Variants in GALNT2 observed in about 807,000 individuals in gnomAD.
The protein encoded by GALNT2 is UDP-GalNAc:polypeptide N-acetylgalactosaminyltransferase 2.
GALNT2 carries 31 observed loss-of-function variants against 81.4 expected under a neutral mutation model. The ratio of observed to expected loss-of-function variants is 0.38; its 90% CI spans 0.29 to 0.51. The LOEUF (loss-of-function observed/expected upper bound fraction) is 0.51. GALNT2 is among the 20% of genes least tolerant of loss of function. GALNT2 has a pLI of 0.87. For synonymous variants in GALNT2, 303 were observed against 287.4 expected, an observed-to-expected ratio of 1.05 and a Z score of -0.55; for missense variants, 629 against 765.7, an observed-to-expected ratio of 0.82 and a Z score of 2.11.
intron 15 of GALNT2, among the ~76,000 whole-genome samples, chr1:230,274,829 C>G (rs1666242773): frequency 6.6e-6 from 1 of 152,032 alleles, no homozygotes; most frequent in African/African-American, 2.4e-5. Context: ...GTTTATTCAT[C>G]AAATACTTTT....
intron 2 of GALNT2, among the ~76,000 whole-genome samples, chr1:230,189,815 T>A (rs574113750): frequency 6.6e-6 from 1 of 152,328 alleles, no homozygotes; most frequent in South Asian, 2.1e-4. Context: ...GTCCCATTCC[T>A]CCCTCTCCCA....
In GALNT2 at chr1:230,275,084, C is replaced by CAT. The variant is rs1172446555; in HGVS notation, c.1560+528_1560+529dup. ...TATATACGTATATATATACACACCA[C>CAT]ATATATATACATGTATACACACCAC... On this transcript the variant is annotated intron_variant, in intron 15 of 15. Coordinates refer to ENST00000366672, the MANE Select transcript of GALNT2 (RefSeq NM_004481.5). The surrounding 1 kb of genome is among the most constrained non-coding windows in gnomAD (Gnocchi z 5.5). 1.3e-5 allele frequency among the ~76,000 whole-genome samples: 2 copies of CAT among 150,396 alleles called. No homozygotes were observed. Among genetic ancestry groups the CAT allele is most frequent in the African/African-American group, 2.5e-5 (1 of 40,568 alleles).
At chr1:230,083,337 AG>A (rs1659803297) in intron 1 of GALNT2, among the ~76,000 whole-genome samples, 3 of 143,900 alleles carry the variant, frequency 2.1e-5, no homozygotes, top group Admixed American at 2.1e-4. Flanking sequence ...ATGATGGAGC[AG>A]GGGAGCCGGG....
chr1:230,206,495 A>C (rs1302656438), intron 3 of GALNT2, among the ~76,000 whole-genome samples: 1 of 152,182 alleles, frequency 6.6e-6, no homozygotes, highest in African/African-American at 2.4e-5. Flanking sequence ...CCTAGAGCTG[A>C]GCCGATTTAA....
At chr1:230,239,363 A>C (rs1415582167) in intron 6 of GALNT2, among the ~76,000 whole-genome samples, 1 of 152,228 alleles carries the variant, frequency 6.6e-6, no homozygotes, top group African/African-American at 2.4e-5. Context: ...GCCCCACAAT[A>C]GGCCATCTGC....
At chr1:230,272,188 G>C (rs555041278) in intron 14 of GALNT2, among the ~76,000 whole-genome samples, 81 of 152,278 alleles carry the variant, frequency 5.3e-4, no homozygotes, top group African/African-American at 1.9e-3. Context: ...TAGAGTATGG[G>C]TGACGTGAGT....
At chr1:230,252,346 A>C (rs549438792) in intron 10 of GALNT2, among the ~76,000 whole-genome samples, 15 of 152,244 alleles carry the variant, frequency 9.9e-5, no homozygotes, top group African/African-American at 3.4e-4. Flanking sequence ...CCATTTTCCT[A>C]ATCATGTAAG....
In GALNT2 at chr1:230,094,140, G is replaced by A. The variant is rs572175745; in HGVS notation, c.126+26734G>A. On this transcript the variant is annotated intron_variant, in intron 1 of 15. Coordinates refer to ENST00000366672, the MANE Select transcript of GALNT2 (RefSeq NM_004481.5). ...AGCATCCTGAGTAGCTAAGAATACA[G>A]GTGTGTGCCACCATGCTGGCTAATT... 1.6e-4 allele frequency among the ~76,000 whole-genome samples: 24 copies of A among 151,106 alleles called. No homozygotes were observed. The Middle Eastern group carries it at 0.01, about 66-fold the overall frequency.
At chr1:230,092,634 G>A (rs1010059893) in intron 1 of GALNT2, among the ~76,000 whole-genome samples, 2 of 152,038 alleles carry the variant, frequency 1.3e-5, no homozygotes, top group African/African-American at 2.4e-5. Context: ...GTGAGCCACC[G>A]CACCTGGCCA....
chr1:230,274,023 G>A (rs1384517311), intron 14 of GALNT2, among the ~76,000 whole-genome samples: 1 of 152,198 alleles, frequency 6.6e-6, no homozygotes, highest in Non-Finnish European at 1.5e-5. Flanking sequence ...ACCTGCATGA[G>A]GGCAGAGTCA....
chr1:230,228,432 C>G (rs900648878), intron 3 of GALNT2, among the ~76,000 whole-genome samples: 2 of 151,884 alleles, frequency 1.3e-5, no homozygotes, highest in Non-Finnish European at 2.9e-5. Flanking sequence ...GGGTTACACA[C>G]ATAGATGACC....
intron 10 of GALNT2, among the ~76,000 whole-genome samples, chr1:230,251,007 C>G (rs1676475154): frequency 6.6e-6 from 1 of 152,192 alleles, no homozygotes; most frequent in Non-Finnish European, 1.5e-5. Flanking sequence ...CCCTTCTCGA[C>G]TACCTTTGCG....
chr1:230,095,224 T>A (rs1008964313), intron 1 of GALNT2, among the ~76,000 whole-genome samples: 2 of 152,248 alleles, frequency 1.3e-5, no homozygotes, highest in Middle Eastern at 3.4e-3. Context: ...TTCTGTGGCT[T>A]GGGTGGACTT....
chr1:230,164,590 G>A (rs1233939519), intron 1 of GALNT2, among the ~76,000 whole-genome samples: 1 of 151,554 alleles, frequency 6.6e-6, no homozygotes, highest in Non-Finnish European at 1.5e-5. Flanking sequence ...CTGGAGTCCA[G>A]TGGTGCGATC....
At chr1:230,241,375 A>G (rs1362928047) in intron 6 of GALNT2, among the ~76,000 whole-genome samples, 1 of 151,680 alleles carries the variant, frequency 6.6e-6, no homozygotes. Context: ...TTAAATTACC[A>G]GATGATGATG....
intron 1 of GALNT2, among the ~76,000 whole-genome samples, chr1:230,163,477 G>T (rs565961570): frequency 2.0e-5 from 3 of 152,348 alleles, no homozygotes; most frequent in African/African-American, 7.2e-5. Context: ...TCAGGCGGTT[G>T]TGTGGCTCTG....
At chr1:230,126,415 G>A (rs1017010377) in intron 1 of GALNT2, among the ~76,000 whole-genome samples, 11 of 152,294 alleles carry the variant, frequency 7.2e-5, no homozygotes, top group South Asian at 2.1e-4. Context: ...TTGCAAGCCT[G>A]GATTCTTGAG....
chr1:230,062,057 G>A (rs945261129), intron 1 of GALNT2, among the ~76,000 whole-genome samples: 1 of 152,006 alleles, frequency 6.6e-6, no homozygotes, highest in Non-Finnish European at 1.5e-5. Context: ...TATTTTTGTA[G>A]TCTTGCCAAC....
chr1:230,203,732 C>A (rs571123037), intron 3 of GALNT2, among the ~76,000 whole-genome samples: 5 of 152,268 alleles, frequency 3.3e-5, no homozygotes, highest in African/African-American at 1.2e-4. Context: ...AAATGAACTA[C>A]CCAGCACAAT....
Sources: gnomAD v4.1 joint callset for allele counts (sites outside exome capture counted in the v4.1 genomes callset) on GRCh38, gnomAD v4.1.1 for gene constraint, Gnocchi (gnomAD v3.1) non-coding constraint, MANE v1.5 for transcripts, NCBI Gene and HGNC (gene_info 2026-07-23, HGNC 2026-07-21) for gene names.